POLD2: variants seen among roughly 807,000 people sequenced by gnomAD.
POLD2 encodes DNA polymerase delta 2, accessory subunit.
Under a neutral mutation model 48.8 loss-of-function variants are expected in POLD2, and 31 were observed. The observed-to-expected ratio is 0.64, with a 90% CI of 0.48 to 0.86. The LOEUF (loss-of-function observed/expected upper bound fraction) is 0.86, where lower values mean the gene tolerates loss of function less well. Among genes scored for constraint, POLD2 ranks in the 40% least tolerant of loss-of-function variants. The pLI, the probability that POLD2 is intolerant of heterozygous loss-of-function variation, is 0.00. For synonymous variants in POLD2, 233 were observed against 256.3 expected (o/e 0.91, Z 0.87); for missense variants, 455 against 610.1 (o/e 0.75, Z 2.68).
At chr7:44,123,474 AC>A in intron 1 of POLD2, 36 bp downstream of exon 1, 1 of 1,492,832 alleles carries the variant, frequency 6.7e-7, no homozygotes, top group Non-Finnish European at 8.9e-7. Context: ...TGGAACTGCC[AC>A]CCCCAGCTGA....
Position 44,117,803 on chromosome 7 carries a change from A to G in POLD2, c.343-61T>C, listed in dbSNP as rs41552815. 1.5e-4 allele frequency: 237 copies of G among 1,609,230 alleles called. No individual in the cohort carries two copies. In the Middle Eastern group the frequency reaches 2.5e-3, roughly 17 times the overall value. On this transcript the variant is annotated intron_variant, in intron 3 of 10. Transcript: ENST00000610533. ...CAGAGCCCACCAAAGCTCTGGTGTT[A>G]GTGAGCTGGCACCGCAGCCCCCACC...
intron 4 of POLD2, 49 bp downstream of exon 4, chr7:44,117,570 G>T: frequency 6.4e-7 from 1 of 1,559,200 alleles, no homozygotes; most frequent in Non-Finnish European, 8.7e-7. Flanking sequence ...ACACACCACC[G>T]CTGGGCTCTT....
intron 4 of POLD2, 134 bp from the exon 5 acceptor site, chr7:44,117,381 T>G: frequency 2.0e-5 from 15 of 735,202 alleles, no homozygotes; most frequent in Non-Finnish European, 3.5e-5. Flanking sequence ...CCAGGATGCA[T>G]GCCTGCTTCC....
In POLD2 at chr7:44,121,798, G is replaced by C; in HGVS notation, c.220+36C>G. The stretch of plus-strand genomic sequence containing the variant: ...GCAGAACACTTCTAAGTTCAGGGAT[G>C]CTGTGGGGGAAGCACCTTCCCAAAC... On this transcript the variant is annotated intron_variant, in intron 2 of 10. Transcript: ENST00000610533. This position sits in a 1 kb window ranked among gnomAD's most constrained non-coding sequence, Gnocchi z 4.5. The C allele has an allele frequency of 6.3e-7, 1 of 1,589,906 alleles. No homozygotes were observed. Among genetic ancestry groups the C allele is most frequent in the African/African-American group, 1.3e-5 (1 of 74,610 alleles).
At chr7:44,123,594 G>T, upstream of POLD2, 1 of 1,443,726 alleles carries the variant, frequency 6.9e-7, no homozygotes, top group Non-Finnish European at 9.0e-7. Context: ...CGGCTTCCCC[G>T]CCCATCGCCT....
Position 44,118,872 on chromosome 7 carries a change from G to C in POLD2, c.221-808C>G, listed in dbSNP as rs190765870. ...GTGGTGCTTTGTTACAGCGCCTACA[G>C]GAAACTAATACAAAGTACTGCTTCA... On this transcript the variant is annotated intron_variant, in intron 2 of 10. Transcript: ENST00000610533. Among the ~76,000 whole-genome samples the C allele has an allele frequency of 2.4e-4, 36 of 152,200 alleles. No individual in the cohort carries two copies. The East Asian group carries it at 6.9e-3, about 29-fold the overall frequency.
At position 44,118,005 on chromosome 7, in the gene POLD2, C is replaced by T. The variant is rs1284995069; in HGVS notation, c.280G>A (p.Val94Met). The T allele has an allele frequency of 6.2e-7, 1 of 1,614,228 alleles. No individual in the cohort carries two copies. The highest frequency in any genetic ancestry group is 8.5e-7 in the Non-Finnish European group (1 of 1,180,018). The change falls in exon 3 of 11, where the codon GTG becomes ATG. Residue 94 changes from valine (V) to methionine (M), a missense_variant. Physicochemically the swap from Val to Met is conservative, Grantham distance 21. Coordinates refer to ENST00000610533, the MANE Select transcript of POLD2 (RefSeq NM_006230.4). Reference protein sequence around the residue: ...ELQPEEKCCVVGTLFKAMPLQ... With the variant: ...ELQPEEKCCVMGTLFKAMPLQ... ...GGCATGGCCTTGAACAGAGTGCCCA[C>T]CACACAGCACTTCTCCTCAGGCTGC...
At chr7:44,118,168 C>T in intron 2 of POLD2, 104 bp from the exon 3 acceptor site, 1 of 1,243,836 alleles carries the variant, frequency 8.0e-7, no homozygotes, top group Non-Finnish European at 1.0e-6. Context: ...TCACAGGGCC[C>T]TGGCCTTGCC....
At position 44,115,864 on chromosome 7, in the gene POLD2, C is replaced by G; in HGVS notation, c.1049G>C (p.Ser350Thr). The G allele has an allele frequency of 6.2e-7, 1 of 1,614,218 alleles. No individual in the cohort carries two copies. Among genetic ancestry groups the G allele is most frequent in the Non-Finnish European group, 8.5e-7 (1 of 1,180,044 alleles). The change falls in exon 9 of 11, where the codon AGT (serine) becomes ACT (threonine). Residue 350 changes from serine (S) to threonine (T), a missense_variant. By Grantham distance (58) the Ser-to-Thr change is moderately conservative. Around this residue, in one of 3 missense-constraint regions of POLD2, gnomAD observed 8 missense variants for 34.1 expected, o/e 0.23. Transcript: ENST00000610533. ...RFLGTSGQNVSDIFRYSSMED... is the reference protein window; with the variant it reads ...RFLGTSGQNVTDIFRYSSMED... Reference sequence around the variant, plus strand: ...CATGCTGCTGTATCGGAAAATGTCACTCACGTTCTGTCCTGATGTCCCCAA... The same window carrying G: ...CATGCTGCTGTATCGGAAAATGTCAGTCACGTTCTGTCCTGATGTCCCCAA...
intron 1 of POLD2, 29 bp downstream of exon 1, chr7:44,123,482 C>G (rs928180315): frequency 3.1e-5 from 47 of 1,496,832 alleles, no homozygotes; most frequent in Non-Finnish European, 3.9e-5. Flanking sequence ...CCACCCCCAG[C>G]TGACCCCGTT....
At chr7:44,120,471 G>A (rs1009634841) in intron 2 of POLD2, among the ~76,000 whole-genome samples, 1 of 152,232 alleles carries the variant, frequency 6.6e-6, no homozygotes, top group Non-Finnish European at 1.5e-5. Context: ...GATTATGTGG[G>A]AGAGGAGAGG....
chr7:44,122,058 A>C lies in POLD2; in HGVS notation c.-5T>G. ...GGCAGCCTGCTCAGAAAACATGGCC[A>C]CACTCCTGACTTGCTTGGTCCACAC... On this transcript the variant is annotated 5_prime_UTR_variant, in exon 2 of 11. Coordinates refer to ENST00000610533, the MANE Select transcript of POLD2 (RefSeq NM_006230.4). The C allele has an allele frequency of 6.2e-7, 1 of 1,612,630 alleles. No individual in the cohort carries two copies. Among genetic ancestry groups the C allele is most frequent in the South Asian group, 1.1e-5 (1 of 91,006 alleles).
rs1171728195 is a variant in POLD2, at chr7:44,121,622, A to C, written c.220+212T>G. 1.3e-5 allele frequency among the ~76,000 whole-genome samples: 2 copies of C among 152,236 alleles called. No individual in the cohort carries two copies. Among genetic ancestry groups the C allele is most frequent in the African/African-American group, 4.8e-5 (2 of 41,452 alleles). On this transcript the variant is annotated intron_variant, in intron 2 of 10. Coordinates refer to ENST00000610533, the MANE Select transcript of POLD2 (RefSeq NM_006230.4). This position sits in a 1 kb window ranked among gnomAD's most constrained non-coding sequence, Gnocchi z 4.5. The stretch of plus-strand genomic sequence containing the variant: ...CGCCAGAACTAAGTCCTCATCTCCA[A>C]CCAGCCTCTGAACTAAAACTAACTC...
chr7:44,122,592 C>G (rs1339942016), intron 1 of POLD2: 1 of 356,750 alleles, frequency 2.8e-6, no homozygotes, highest in Non-Finnish European at 3.9e-6. Flanking sequence ...TCAAAACTCT[C>G]CAAAGTGTCC....
At chr7:44,118,723 G>A (rs1235758919) in intron 2 of POLD2, among the ~76,000 whole-genome samples, 1 of 151,330 alleles carries the variant, frequency 6.6e-6, no homozygotes, top group African/African-American at 2.4e-5. Context: ...GTTTCACCGT[G>A]TTAGCCAGGA....
intron 8 of POLD2, 69 bp from the exon 9 acceptor site, chr7:44,115,962 T>C (rs2096238409): frequency 4.4e-6 from 7 of 1,609,038 alleles, no homozygotes; most frequent in Non-Finnish European, 4.3e-6. Context: ...AGAGCTCATC[T>C]GGCGCTCTTG....
Position 44,121,811 on chromosome 7 carries a change from C to A in POLD2, c.220+23G>T. 1 of 1,600,594 alleles carries A rather than the reference C, an allele frequency of 6.2e-7. No homozygotes were observed. The highest frequency in any genetic ancestry group is 1.1e-5 in the South Asian group (1 of 89,834). ...AAGTTCAGGGATGCTGTGGGGGAAGCACCTTCCCAAACTCTCACTTACCCC... is the reference window on the plus strand; with the variant it reads ...AAGTTCAGGGATGCTGTGGGGGAAGAACCTTCCCAAACTCTCACTTACCCC... On this transcript the variant is annotated intron_variant, in intron 2 of 10. Coordinates refer to ENST00000610533, the MANE Select transcript of POLD2 (RefSeq NM_006230.4). This position sits in a 1 kb window ranked among gnomAD's most constrained non-coding sequence, Gnocchi z 4.5.
chr7:44,123,665 C>G, upstream of POLD2: 1 of 1,378,574 alleles, frequency 7.3e-7, no homozygotes, highest in Non-Finnish European at 9.3e-7. Context: ...TCCCGCCGAC[C>G]ACTGTGCGCC....
intron 2 of POLD2, among the ~76,000 whole-genome samples, chr7:44,118,542 T>A (rs1413502721): frequency 6.6e-6 from 1 of 152,152 alleles, no homozygotes; most frequent in Non-Finnish European, 1.5e-5. Flanking sequence ...TGAGGCGGAG[T>A]CTCGCTGTCA....
Sources: allele counts gnomAD v4.1 joint callset (sites outside exome capture counted in the v4.1 genomes callset), GRCh38; gene constraint gnomAD v4.1.1; regional missense constraint gnomAD v4.1.1; non-coding constraint Gnocchi (gnomAD v3.1); transcripts MANE v1.5; gene names NCBI Gene and HGNC (gene_info 2026-07-23, HGNC 2026-07-21).